Variants in RASA1 observed in about 807,000 individuals in gnomAD.
RASA1 encodes RAS p21 protein activator 1.
Under a neutral mutation model 132.2 loss-of-function variants are expected in RASA1, and 25 were observed. The ratio of observed to expected loss-of-function variants is 0.19; its 90% CI spans 0.14 to 0.26. The LOEUF is 0.26. Among genes scored for constraint, RASA1 ranks in the 10% least tolerant of loss-of-function variants. The pLI, the probability that RASA1 is intolerant of heterozygous loss-of-function variation, is 1.00. For missense variants in RASA1, 964 were observed against 1,299.2 expected (o/e 0.74, Z 3.97); for synonymous variants, 477 against 449.9 (o/e 1.06, Z -0.76).
intron 1 of RASA1, among the ~76,000 whole-genome samples, chr5:87,293,238 AT>A (rs1754981951): frequency 6.6e-6 from 1 of 151,084 alleles, no homozygotes. Context: ...TTAGCTGTAG[AT>A]TTTTTGGTAG....
chr5:87,324,956 T>A lies in RASA1; in HGVS notation c.540-6392T>A, dbSNP rs571723211. Among the ~76,000 whole-genome samples the A allele has an allele frequency of 1.5e-3, 227 of 152,312 alleles. 2 individuals are homozygous for A. Among genetic ancestry groups the A allele is most frequent in the South Asian group, 6.2e-3 (30 of 4,826 alleles). On this transcript the variant is annotated intron_variant, in intron 1 of 24. Coordinates refer to ENST00000274376, the MANE Select transcript of RASA1 (RefSeq NM_002890.3). ...AAATCAGTTGCTTTTTTAATTTTTT[T>A]ATTTTTTTTTAACCTTTAGCAGACT...
At chr5:87,371,054 T>A (rs1308260202) in intron 12 of RASA1, among the ~76,000 whole-genome samples, 1 of 152,082 alleles carries the variant, frequency 6.6e-6, no homozygotes, top group Admixed American at 6.6e-5. Flanking sequence ...ATGTTAGAAA[T>A]TGAGTTAGAA....
At chr5:87,331,790 G>A (rs1757619225) in intron 2 of RASA1, among the ~76,000 whole-genome samples, 1 of 152,074 alleles carries the variant, frequency 6.6e-6, no homozygotes, top group Admixed American at 6.5e-5. Context: ...CTAAAATAAA[G>A]GAATTGTATA....
intron 1 of RASA1, among the ~76,000 whole-genome samples, chr5:87,296,632 T>C (rs1245910723): frequency 6.6e-6 from 1 of 152,160 alleles, no homozygotes; most frequent in Non-Finnish European, 1.5e-5. Context: ...TTTAATTTCA[T>C]TCTACTCTCC....
intron 1 of RASA1, among the ~76,000 whole-genome samples, chr5:87,309,500 T>G (rs1755769835): frequency 6.6e-6 from 1 of 152,118 alleles, no homozygotes; most frequent in East Asian, 1.9e-4. Context: ...TTAAACTGCC[T>G]TGCTCTTTTA....
At chr5:87,280,912 C>T (rs567160889) in intron 1 of RASA1, among the ~76,000 whole-genome samples, 4 of 151,668 alleles carry the variant, frequency 2.6e-5, no homozygotes, top group East Asian at 2.0e-4. Flanking sequence ...CCTGCCACCA[C>T]GCCTGGCTAA....
intron 1 of RASA1, among the ~76,000 whole-genome samples, chr5:87,270,308 G>C (rs978141719): frequency 1.9e-4 from 29 of 149,204 alleles, no homozygotes; most frequent in African/African-American, 6.9e-4. Flanking sequence ...TGGTTCATAT[G>C]TTGACAGTCA....
At chr5:87,270,249 A>G (rs899114248) in intron 1 of RASA1, among the ~76,000 whole-genome samples, 5 of 151,706 alleles carry the variant, frequency 3.3e-5, no homozygotes, top group African/African-American at 1.2e-4. Context: ...CTCAAAAAAA[A>G]AAAAAAAAGA....
Position 87,268,747 on chromosome 5 carries a change from C to T in RASA1, c.296C>T (p.Ala99Val), listed in dbSNP as rs111840875. 0.027 allele frequency: 43,444 copies of T among 1,613,446 alleles called. 745 individuals are homozygous for T. The highest frequency in any genetic ancestry group is 0.033 in the Non-Finnish European group (38,711 of 1,179,740). Reference protein sequence around the residue: ...GGTAAGVAGAAAGVAGAAVAG... With the variant: ...GGTAAGVAGAVAGVAGAAVAG... The stretch of plus-strand genomic sequence containing the variant: ...ACTGCTGCTGGCGTAGCTGGTGCTG[C>T]TGCTGGCGTGGCCGGTGCTGCTGTT... The change falls in exon 1 of 25, where the codon GCT (alanine) becomes GTT (valine). Residue 99 changes from alanine to valine, a missense_variant. Transcript: ENST00000274376.
intron 11 of RASA1, among the ~76,000 whole-genome samples, chr5:87,367,192 GA>G (rs2112468690): frequency 6.6e-6 from 1 of 152,174 alleles, no homozygotes; most frequent in East Asian, 1.9e-4. Flanking sequence ...ACATTTCAAG[GA>G]AATGAGAAGA....
rs1295057965 is a variant in RASA1 at position 87,269,251 on chromosome 5, T to C, written c.539+261T>C. On this transcript the variant is annotated intron_variant, in intron 1 of 24. Coordinates refer to ENST00000274376, the MANE Select transcript of RASA1 (RefSeq NM_002890.3). ...AAAGCATGAGAAAATGTGTATCTAATGAGAACCGGATATAGTTCTGTCCCT... is the reference window on the plus strand; with the variant it reads ...AAAGCATGAGAAAATGTGTATCTAACGAGAACCGGATATAGTTCTGTCCCT... 3.9e-6 allele frequency: 6 copies of C among 1,541,252 alleles called. No homozygotes were observed. The African/African-American group carries it at 5.5e-5, about 14-fold the overall frequency.
At chr5:87,361,252 G>C (rs1760070726) in intron 9 of RASA1, among the ~76,000 whole-genome samples, 1 of 152,166 alleles carries the variant, frequency 6.6e-6, no homozygotes, top group Non-Finnish European at 1.5e-5. Flanking sequence ...TGGTGGACTG[G>C]ATTTAGCATG....
chr5:87,344,132 A>G (rs1758675431), intron 6 of RASA1, among the ~76,000 whole-genome samples: 1 of 152,170 alleles, frequency 6.6e-6, no homozygotes, highest in Non-Finnish European at 1.5e-5. Flanking sequence ...ATCTAGATAG[A>G]ATGAATAAGA....
intron 1 of RASA1, among the ~76,000 whole-genome samples, chr5:87,327,982 AG>A (rs1437997990): frequency 1.3e-5 from 2 of 150,984 alleles, no homozygotes; most frequent in African/African-American, 2.5e-5. Context: ...AAAAAAAAAA[AG>A]AGAGAGAACT....
intron 11 of RASA1, among the ~76,000 whole-genome samples, chr5:87,364,574 G>T (rs752154960): frequency 6.6e-6 from 1 of 151,900 alleles, no homozygotes; most frequent in Non-Finnish European, 1.5e-5. Context: ...CAAAGATTGC[G>T]TGAGGACAGG....
chr5:87,287,221 GTATATATACACACCA>G (rs1447572826), intron 1 of RASA1, among the ~76,000 whole-genome samples: 5 of 104,804 alleles, frequency 4.8e-5, no homozygotes, highest in African/African-American at 7.7e-5. Flanking sequence ...TATACACACC[GTATATATACACACCA>G]TATATATACC....
At chr5:87,316,944 G>A (rs1262292976) in intron 1 of RASA1, among the ~76,000 whole-genome samples, 2 of 151,518 alleles carry the variant, frequency 1.3e-5, no homozygotes, top group Non-Finnish European at 2.9e-5. Flanking sequence ...GTGCAGTGGC[G>A]AAATCTCGGC....
chr5:87,285,131 G>C (rs1554040375), intron 1 of RASA1, among the ~76,000 whole-genome samples: 1 of 149,486 alleles, frequency 6.7e-6, no homozygotes, highest in Non-Finnish European at 1.5e-5. Flanking sequence ...GCAGTGGTGT[G>C]ATCTCGGCTC....
intron 1 of RASA1, among the ~76,000 whole-genome samples, chr5:87,317,082 C>T (rs892945162): frequency 6.6e-6 from 1 of 152,048 alleles, no homozygotes; most frequent in Non-Finnish European, 1.5e-5. Flanking sequence ...GGGGTTTTAC[C>T]TTGTTGGCCA....
Sources: allele counts gnomAD v4.1 joint callset (sites outside exome capture counted in the v4.1 genomes callset), GRCh38; gene constraint gnomAD v4.1.1; transcripts MANE v1.5; gene names NCBI Gene and HGNC (gene_info 2026-07-23, HGNC 2026-07-21).